Variants in ZBTB7C observed in about 807,000 individuals in gnomAD.
ZBTB7C encodes the protein zinc finger and BTB domain containing 7C.
Under a neutral mutation model 25.7 loss-of-function variants are expected in ZBTB7C, and 8 were observed. The observed-to-expected ratio is 0.31, with a 90% CI of 0.18 to 0.56. ZBTB7C has a LOEUF of 0.56. Among genes scored for constraint, ZBTB7C ranks in the 20% least tolerant of loss-of-function variants. The probability of loss-of-function intolerance (pLI) is 0.91; values close to 1 mark genes in which losing one functional copy is unlikely to be tolerated. For synonymous variants in ZBTB7C, 394 were observed against 369.0 expected (o/e 1.07, Z -0.78); for missense variants, 824 against 855.2 (o/e 0.96, Z 0.46).
intron 2 of ZBTB7C, among the ~76,000 whole-genome samples, chr18:48,211,703 G>T (rs1291722393): frequency 2.0e-5 from 3 of 152,184 alleles, no homozygotes. Flanking sequence ...TGCTAGTGAG[G>T]ATGTGGAGCA....
chr18:48,301,813 G>A (rs1333256481), intron 2 of ZBTB7C, among the ~76,000 whole-genome samples: 1 of 152,150 alleles, frequency 6.6e-6, no homozygotes, highest in Non-Finnish European at 1.5e-5. Context: ...AAGGAACTGG[G>A]GATGAAGCAG....
At chr18:48,304,155 CCACA>C in intron 2 of ZBTB7C, among the ~76,000 whole-genome samples, 1 of 152,298 alleles carries the variant, frequency 6.6e-6, no homozygotes, top group South Asian at 2.1e-4. Flanking sequence ...TGCAGGGGCC[CCACA>C]CACAGAGCAT....
chr18:48,330,908 G>A (rs981272037), intron 2 of ZBTB7C, among the ~76,000 whole-genome samples: 1 of 152,158 alleles, frequency 6.6e-6, no homozygotes, highest in Non-Finnish European at 1.5e-5. Context: ...GAATGTGGGC[G>A]TGCGGAGGCA....
At chr18:48,394,956 C>T (rs529258855) in intron 1 of ZBTB7C, among the ~76,000 whole-genome samples, 1 of 152,306 alleles carries the variant, frequency 6.6e-6, no homozygotes, top group East Asian at 1.9e-4. Context: ...TCTAAAACCA[C>T]ATATAAATTC....
intron 3 of ZBTB7C, among the ~76,000 whole-genome samples, chr18:48,172,565 G>A (rs934928613): frequency 2.0e-5 from 3 of 152,074 alleles, no homozygotes; most frequent in African/African-American, 4.8e-5. Flanking sequence ...TCTGAAGGAC[G>A]CACCCGCCAC....
intron 2 of ZBTB7C, among the ~76,000 whole-genome samples, chr18:48,317,107 T>C (rs180964381): frequency 4.1e-4 from 63 of 152,082 alleles, no homozygotes; most frequent in African/African-American, 1.5e-3. Context: ...ACCCTGTCTC[T>C]ACTAAAAATA....
At chr18:48,096,968 A>T (rs1182444718) in intron 3 of ZBTB7C, among the ~76,000 whole-genome samples, 1 of 152,244 alleles carries the variant, frequency 6.6e-6, no homozygotes, top group East Asian at 1.9e-4. Context: ...TACTGCTATT[A>T]TTCCTATGGC....
At chr18:48,145,693 T>C (rs980556702) in intron 3 of ZBTB7C, among the ~76,000 whole-genome samples, 14 of 152,216 alleles carry the variant, frequency 9.2e-5, no homozygotes, top group African/African-American at 2.4e-4. Context: ...ACGTAACTCA[T>C]GGCTAAAATT....
chr18:48,368,808 A>AGAAAAGAATTATCCACCCAGAG (rs2047316667), intron 1 of ZBTB7C, among the ~76,000 whole-genome samples: 1 of 152,136 alleles, frequency 6.6e-6, no homozygotes, highest in Non-Finnish European at 1.5e-5. Flanking sequence ...GTGAAAAGAA[A>AGAAAAGAATTATCCACCCAGAG]TCCTATTTCC....
At chr18:48,076,923 A>G (rs7230641) in intron 3 of ZBTB7C, 56,182 of 984,592 alleles carry the variant, frequency 0.057, 2,937 homozygotes, top group African/African-American at 0.26. Flanking sequence ...AGAAGCTTCA[A>G]ATAAGTACTA....
At chr18:48,136,764 G>A (rs2040179914) in intron 3 of ZBTB7C, among the ~76,000 whole-genome samples, 1 of 152,116 alleles carries the variant, frequency 6.6e-6, no homozygotes, top group Non-Finnish European at 1.5e-5. Context: ...CCCACGCCCC[G>A]CAGGAGCTCC....
At chr18:48,294,387 T>C (rs1169797602) in intron 2 of ZBTB7C, among the ~76,000 whole-genome samples, 2 of 151,386 alleles carry the variant, frequency 1.3e-5, no homozygotes, top group African/African-American at 2.4e-5. Flanking sequence ...TAGGTGAGTT[T>C]TTTTCTGTTT....
chr18:48,383,147 C>G (rs1254385487), intron 1 of ZBTB7C, among the ~76,000 whole-genome samples: 1 of 152,194 alleles, frequency 6.6e-6, no homozygotes, highest in African/African-American at 2.4e-5. Context: ...TCAAACCCAC[C>G]AGCCTACTGG....
intron 3 of ZBTB7C, among the ~76,000 whole-genome samples, chr18:48,056,757 C>G (rs2036927984): frequency 6.6e-6 from 1 of 151,818 alleles, no homozygotes; most frequent in Non-Finnish European, 1.5e-5. Flanking sequence ...ATACATGTAG[C>G]AAAGCTTTAA....
chr18:48,361,704 G>A (rs2047109688), intron 1 of ZBTB7C, among the ~76,000 whole-genome samples: 1 of 152,218 alleles, frequency 6.6e-6, no homozygotes, highest in African/African-American at 2.4e-5. Flanking sequence ...AGCCCAGGCT[G>A]CACACCAGCC....
intron 3 of ZBTB7C, among the ~76,000 whole-genome samples, chr18:48,182,027 C>A (rs1009464756): frequency 6.6e-6 from 1 of 152,196 alleles, no homozygotes. Flanking sequence ...GCACCCACCC[C>A]ACCAGAGGCA....
chr18:48,075,240 A>T (rs1350739640), intron 3 of ZBTB7C, among the ~76,000 whole-genome samples: 1 of 152,182 alleles, frequency 6.6e-6, no homozygotes, highest in Non-Finnish European at 1.5e-5. Flanking sequence ...CTCAAGGCAT[A>T]CTGGCCTCCA....
intron 3 of ZBTB7C, among the ~76,000 whole-genome samples, chr18:48,139,538 C>T (rs2040277608): frequency 6.6e-6 from 1 of 152,098 alleles, no homozygotes; most frequent in African/African-American, 2.4e-5. Flanking sequence ...AGTGATATTG[C>T]AGCCAAGAGC....
chr18:48,365,574 G>T (rs1351698525), intron 1 of ZBTB7C, among the ~76,000 whole-genome samples: 1 of 152,124 alleles, frequency 6.6e-6, no homozygotes, highest in East Asian at 1.9e-4. Context: ...GAATAGAAAA[G>T]TGGATCCTTC....
Sources: allele counts gnomAD v4.1 joint callset (sites outside exome capture counted in the v4.1 genomes callset), GRCh38; gene constraint gnomAD v4.1.1; transcripts MANE v1.5; gene names NCBI Gene and HGNC (gene_info 2026-07-23, HGNC 2026-07-21).